The following RADIL variants were observed in gnomAD, a reference collection of about 807,000 sequenced individuals.
The protein encoded by RADIL is Rap associating with DIL domain.
A neutral mutation model predicts 97.6 loss-of-function variants in RADIL; 99 were observed. The ratio of observed to expected loss-of-function variants is 1.01; its 90% CI spans 0.86 to 1.20. The LOEUF (loss-of-function observed/expected upper bound fraction) is 1.20, where lower values mean the gene tolerates loss of function less well. Among genes scored for constraint, RADIL ranks in the 50% most tolerant of loss-of-function variants. The pLI is 0.00. For synonymous variants in RADIL, 803 were observed against 691.8 expected (o/e 1.16, Z -2.52); for missense variants, 1,765 against 1,498.9 (o/e 1.18, Z -2.93).
At chr7:4,874,068 G>A (rs950319932) in intron 2 of RADIL, among the ~76,000 whole-genome samples, 9 of 152,206 alleles carry the variant, frequency 5.9e-5, no homozygotes, top group Non-Finnish European at 1.0e-4. Context: ...TCCCCGTTCC[G>A]TGCCTCCAAG....
intron 12 of RADIL, among the ~76,000 whole-genome samples, 183 bp from the exon 13 acceptor site, chr7:4,800,493 C>A (rs1782046176): frequency 6.6e-6 from 1 of 152,132 alleles, no homozygotes; most frequent in African/African-American, 2.4e-5. Flanking sequence ...GGGGTCCGCC[C>A]ATGGGCGACA....
At position 4,879,026 on chromosome 7, in the gene RADIL, G is replaced by A. The variant is rs931211954; in HGVS notation, c.-64-823C>T. 1.3e-5 allele frequency among the ~76,000 whole-genome samples: 2 copies of A among 152,226 alleles called. No individual in the cohort carries two copies. The highest frequency in any genetic ancestry group is 4.8e-5 in the African/African-American group (2 of 41,468). On this transcript the variant is annotated intron_variant, in intron 1 of 14. Transcript: ENST00000399583. The surrounding 1 kb of genome is among the most constrained non-coding windows in gnomAD (Gnocchi z 4.1). ...AAACCCCCAGAATCTACCCCTCAGG[G>A]CAAGAGACCCGTCCTGGCTTGAAGG...
In RADIL at chr7:4,861,430, T is replaced by A. The variant is rs753175595; in HGVS notation, c.535+16175A>T. The A allele has an allele frequency of 1.4e-5, 22 of 1,614,068 alleles. No individual in the cohort carries two copies. The Admixed American group carries it at 2.5e-4, about 18-fold the overall frequency. On this transcript the variant is annotated intron_variant, in intron 2 of 14. Coordinates refer to ENST00000399583, the MANE Select transcript of RADIL (RefSeq NM_018059.5). Reference sequence around the variant, plus strand: ...CATAGAATGAGGTGAAAAAGTCGCTTCGATCCACATGACTTGGTGCAACGC... The same window carrying A: ...CATAGAATGAGGTGAAAAAGTCGCTACGATCCACATGACTTGGTGCAACGC...
chr7:4,805,214 C>A (rs1041959011), intron 10 of RADIL: 6 of 296,808 alleles, frequency 2.0e-5, no homozygotes, highest in African/African-American at 1.3e-4. Context: ...AGGGATGCGT[C>A]CCCACGGCTG....
At chr7:4,857,828 C>A (rs1554264471) in intron 2 of RADIL, 2 of 152,450 alleles carry the variant, frequency 1.3e-5, no homozygotes, top group Non-Finnish European at 2.9e-5. Context: ...AGTACAGATA[C>A]CATAAAACAA....
intron 9 of RADIL, chr7:4,809,691 GATTT>G (rs1217808042): frequency 4.3e-6 from 4 of 927,674 alleles, no homozygotes; most frequent in Admixed American, 6.2e-5. Flanking sequence ...TTATTTAATT[GATTT>G]ATTTAGAGAC....
Position 4,803,597 on chromosome 7 carries a change from G to A in RADIL, c.2448C>T (p.Pro816=), listed in dbSNP as rs764377043. The part of the protein sequence containing the change: ...FLWGLRSRAS[P]GSPGRPGSGA... ...CACTGCCAGGCCTGCCAGGGCTGCCGGGGCTGGCTCTGCTCCGCAGACCCC... is the reference window on the plus strand; with the variant it reads ...CACTGCCAGGCCTGCCAGGGCTGCCAGGGCTGGCTCTGCTCCGCAGACCCC... Residue 816 remains proline (P), a synonymous_variant, in exon 11 of 15, where the codon CCC becomes CCT. Transcript: ENST00000399583. The A allele has an allele frequency of 1.8e-4, 276 of 1,530,648 alleles. No individual in the cohort carries two copies. Among genetic ancestry groups the A allele is most frequent in the Non-Finnish European group, 2.2e-4 (247 of 1,140,004 alleles). 94.8% of individuals were successfully genotyped at this position (1,530,648 alleles called of 1,614,324 possible).
rs1202898805 is a variant in RADIL, at chr7:4,837,616, C to T, written c.536-1011G>A. On this transcript the variant is annotated intron_variant, in intron 2 of 14. Coordinates refer to ENST00000399583, the MANE Select transcript of RADIL (RefSeq NM_018059.5). The surrounding 1 kb of genome is among the most constrained non-coding windows in gnomAD (Gnocchi z 5.6). The stretch of plus-strand genomic sequence containing the variant: ...ACACAAAAATGCACACACACATGCA[C>T]ACACATGCACCCAAAAACACACATG... Among the ~76,000 whole-genome samples, 3 of 152,258 alleles carry T rather than the reference C, an allele frequency of 2.0e-5. No homozygotes were observed. In the East Asian group the frequency reaches 5.8e-4, roughly 29 times the overall value.
At chr7:4,828,874 G>A (rs960258437) in intron 5 of RADIL, among the ~76,000 whole-genome samples, 4 of 152,334 alleles carry the variant, frequency 2.6e-5, no homozygotes, top group South Asian at 2.1e-4. Flanking sequence ...CGTCAACGAG[G>A]AAGCTGGGTC....
At position 4,822,587 on chromosome 7, in the gene RADIL, G is replaced by T. The variant is rs945252500; in HGVS notation, c.1455-33C>A. 3.1e-6 allele frequency: 5 copies of T among 1,602,202 alleles called. No homozygotes were observed. The highest frequency in any genetic ancestry group is 4.3e-6 in the Non-Finnish European group (5 of 1,175,352). On this transcript the variant is annotated intron_variant, in intron 5 of 14. Coordinates refer to ENST00000399583, the MANE Select transcript of RADIL (RefSeq NM_018059.5). This position sits in a 1 kb window ranked among gnomAD's most constrained non-coding sequence, Gnocchi z 5.3. Reference sequence around the variant, plus strand: ...GACAGAAAGACTAAGAGTTACGCGGGGACCCGACCCTCAGGAGGCTGAATC... The same window carrying T: ...GACAGAAAGACTAAGAGTTACGCGGTGACCCGACCCTCAGGAGGCTGAATC...
chr7:4,802,799 G>C (rs1247051906), intron 11 of RADIL, among the ~76,000 whole-genome samples: 1 of 122,502 alleles, frequency 8.2e-6, no homozygotes, highest in East Asian at 2.5e-4. Flanking sequence ...CAGACACCTC[G>C]GGTCATGCTG....
At chr7:4,848,325 G>C (rs1175354778) in intron 2 of RADIL, among the ~76,000 whole-genome samples, 1 of 151,374 alleles carries the variant, frequency 6.6e-6, no homozygotes, top group East Asian at 1.9e-4. Context: ...GTAATTTTAT[G>C]GTATAAAAAT....
At chr7:4,808,992 C>CT in intron 9 of RADIL, 1 of 668,982 alleles carries the variant, frequency 1.5e-6, no homozygotes, top group Non-Finnish European at 1.7e-6. Context: ...CCACTGCCCC[C>CT]CCGCGTCCCC....
intron 9 of RADIL, chr7:4,809,610 C>G (rs1753956000): frequency 2.0e-6 from 2 of 985,316 alleles, no homozygotes; most frequent in African/African-American, 3.5e-5. Context: ...TCCTTGAACT[C>G]GACTCCTTCA....
chr7:4,871,229 A>G (rs11978483), intron 2 of RADIL, among the ~76,000 whole-genome samples: 7,420 of 152,320 alleles, frequency 0.049, 565 homozygotes, highest in African/African-American at 0.16. Flanking sequence ...ATGTAAAAAG[A>G]GGAAAAGCAA....
rs187115849 is a variant in RADIL at position 4,860,009 on chromosome 7, G to A, written c.535+17596C>T. ...GGCCTTTGGTGATGGAGAAATGGCA[G>A]GCTGAGAGACAGCGTGAGGAATACT... On this transcript the variant is annotated intron_variant, in intron 2 of 14. Coordinates refer to ENST00000399583, the MANE Select transcript of RADIL (RefSeq NM_018059.5). The A allele has an allele frequency of 1.1e-4, 185 of 1,613,990 alleles. 2 individuals are homozygous for A. The African/African-American group carries it at 2.3e-3, about 20-fold the overall frequency.
chr7:4,879,537 G>C lies in RADIL; in HGVS notation c.-64-1334C>G, dbSNP rs536439145. Among the ~76,000 whole-genome samples the C allele has an allele frequency of 8.3e-4, 127 of 152,338 alleles. No individual in the cohort carries two copies. Among genetic ancestry groups the C allele is most frequent in the Non-Finnish European group, 1.2e-3 (79 of 68,036 alleles). ...TATTTTCTGGAAAGCTCTGGAAAGA[G>C]TGGTCCAGGTCCCAGTGAACACAGC... On this transcript the variant is annotated intron_variant, in intron 1 of 14. Transcript: ENST00000399583. This position sits in a 1 kb window ranked among gnomAD's most constrained non-coding sequence, Gnocchi z 4.1.
chr7:4,853,905 G>A (rs922608539), intron 2 of RADIL, among the ~76,000 whole-genome samples: 4 of 152,152 alleles, frequency 2.6e-5, no homozygotes, highest in African/African-American at 9.7e-5. Flanking sequence ...CTATTGGTGA[G>A]GTGATGTACC....
At position 4,813,424 on chromosome 7, in the gene RADIL, A is replaced by G. The variant is rs1782598408; in HGVS notation, c.2139+1854T>C. The stretch of plus-strand genomic sequence containing the variant: ...TGGTTCCGTTTTAAAGCCTCTCTCC[A>G]TCGCACTCCCTGGAGATTCAGAATG... On this transcript the variant is annotated intron_variant, in intron 9 of 14. Coordinates refer to ENST00000399583, the MANE Select transcript of RADIL (RefSeq NM_018059.5). This position sits in a 1 kb window ranked among gnomAD's most constrained non-coding sequence, Gnocchi z 5.0. Among the ~76,000 whole-genome samples, 2 of 152,114 alleles carry G rather than the reference A, an allele frequency of 1.3e-5. No homozygotes were observed. The highest frequency in any genetic ancestry group is 4.8e-5 in the African/African-American group (2 of 41,426).
Sources: allele counts gnomAD v4.1 joint callset (sites outside exome capture counted in the v4.1 genomes callset), GRCh38; gene constraint gnomAD v4.1.1; non-coding constraint Gnocchi (gnomAD v3.1); transcripts MANE v1.5; gene names NCBI Gene and HGNC (gene_info 2026-07-23, HGNC 2026-07-21).